RCSD1: variants seen among roughly 807,000 people sequenced by gnomAD.
RCSD1 encodes the protein RCSD domain containing 1.
RCSD1 carries 26 observed loss-of-function variants against 42.5 expected under a neutral mutation model. That is an observed-to-expected ratio of 0.61 (90% confidence interval 0.45 to 0.85). RCSD1 has a LOEUF of 0.85. Ranked by LOEUF, RCSD1 falls within the 40% of genes least tolerant of loss-of-function variation. RCSD1 has a pLI of 0.00. For missense variants in RCSD1, 571 were observed against 528.3 expected (o/e 1.08, Z -0.79); for synonymous variants, 220 against 212.2 (o/e 1.04, Z -0.32).
At chr1:167,635,362 C>G (rs977641052) in intron 1 of RCSD1, among the ~76,000 whole-genome samples, 2 of 152,180 alleles carry the variant, frequency 1.3e-5, no homozygotes, top group African/African-American at 4.8e-5. Context: ...CACACTGGCC[C>G]CCACTCAGCA....
At chr1:167,647,838 T>C (rs759512193) in intron 1 of RCSD1, among the ~76,000 whole-genome samples, 1 of 152,232 alleles carries the variant, frequency 6.6e-6, no homozygotes, top group South Asian at 2.1e-4. Flanking sequence ...CTAGTCACTT[T>C]GTTTTAAAAT....
At chr1:167,681,525 T>A (rs1371488910) in intron 1 of RCSD1, among the ~76,000 whole-genome samples, 1 of 152,206 alleles carries the variant, frequency 6.6e-6, no homozygotes, top group African/African-American at 2.4e-5. Flanking sequence ...CCCTAAGTGC[T>A]TCCAGAAGCC....
intron 1 of RCSD1, among the ~76,000 whole-genome samples, chr1:167,634,272 G>A (rs1023979956): frequency 1.3e-5 from 2 of 152,126 alleles, no homozygotes; most frequent in Middle Eastern, 3.2e-3. Context: ...CTGTCACCCC[G>A]GAAGGCTCCT....
At chr1:167,684,718 T>C (rs1300319199) in intron 2 of RCSD1, among the ~76,000 whole-genome samples, 2 of 151,884 alleles carry the variant, frequency 1.3e-5, no homozygotes, top group Non-Finnish European at 2.9e-5. Flanking sequence ...CCACTAAAAA[T>C]ACAAAATTGG....
chr1:167,666,068 T>A (rs1325614028), intron 1 of RCSD1, among the ~76,000 whole-genome samples: 1 of 152,208 alleles, frequency 6.6e-6, no homozygotes. Context: ...TGCCTCAGCC[T>A]CCCAAAGTGC....
At chr1:167,637,168 G>A (rs1657881545) in intron 1 of RCSD1, among the ~76,000 whole-genome samples, 2 of 152,108 alleles carry the variant, frequency 1.3e-5, no homozygotes, top group Admixed American at 1.3e-4. Context: ...GCAGAAAATT[G>A]GGAAGAGCAT....
chr1:167,685,311 TA>T, intron 2 of RCSD1, 109 bp from the exon 3 acceptor site: 1 of 760,610 alleles, frequency 1.3e-6, no homozygotes, highest in Non-Finnish European at 2.1e-6. Context: ...CTAACATTCC[TA>T]AATCCCTAAA....
At chr1:167,660,044 C>A (rs1323323174) in intron 1 of RCSD1, among the ~76,000 whole-genome samples, 1 of 152,172 alleles carries the variant, frequency 6.6e-6, no homozygotes, top group African/African-American at 2.4e-5. Context: ...TTAAACTCCT[C>A]GTCATATTTA....
At chr1:167,676,469 A>G (rs1305101470) in intron 1 of RCSD1, among the ~76,000 whole-genome samples, 3 of 152,236 alleles carry the variant, frequency 2.0e-5, no homozygotes, top group Admixed American at 6.5e-5. Flanking sequence ...CATATATCAG[A>G]AGCAAGACTG....
chr1:167,685,393 G>A, intron 2 of RCSD1, 28 bp from the exon 3 acceptor site: 2 of 1,587,488 alleles, frequency 1.3e-6, no homozygotes, highest in Non-Finnish European at 1.7e-6. Context: ...CTTTTTCTCT[G>A]TGTGTCTGTC....
intron 1 of RCSD1, 68 bp downstream of exon 1, chr1:167,630,497 C>A: frequency 1.4e-6 from 2 of 1,453,314 alleles, no homozygotes; most frequent in South Asian, 1.4e-5. Context: ...CTTCCCCGGG[C>A]GGCTGCCCCT....
chr1:167,692,565 A>C (rs1659400733), intron 4 of RCSD1, among the ~76,000 whole-genome samples: 1 of 151,100 alleles, frequency 6.6e-6, no homozygotes, highest in South Asian at 2.1e-4. Context: ...GTTGCCCTGG[A>C]TGGACTCAAA....
At position 167,697,377 on chromosome 1, in the gene RCSD1, G is replaced by A; in HGVS notation, c.753G>A (p.Glu251=). The part of the protein sequence containing the change: ...RSPSRTEKQE[E]DRATEEAKNG... ...CCAGCAGGACAGAGAAGCAGGAGGAGGACAGGGCCACAGAGGAAGCCAAGA... is the reference window on the plus strand; with the variant it reads ...CCAGCAGGACAGAGAAGCAGGAGGAAGACAGGGCCACAGAGGAAGCCAAGA... The change falls in exon 6 of 7, where the codon GAG becomes GAA. Residue 251 remains glutamate, a synonymous_variant. Transcript: ENST00000367854. 1.9e-6 allele frequency: 3 copies of A among 1,613,922 alleles called. No individual in the cohort carries two copies. Among genetic ancestry groups the A allele is most frequent in the Middle Eastern group, 1.7e-4 (1 of 6,058 alleles).
At chr1:167,699,746 G>T (rs927010014) in intron 6 of RCSD1, among the ~76,000 whole-genome samples, 2 of 152,190 alleles carry the variant, frequency 1.3e-5, no homozygotes, top group African/African-American at 2.4e-5. Flanking sequence ...ATCCAGCCAT[G>T]CTGAGGTCTT....
At chr1:167,690,193 T>G (rs1357346644) in intron 4 of RCSD1, 73 bp downstream of exon 4, 9 of 1,444,852 alleles carry the variant, frequency 6.2e-6, no homozygotes, top group Admixed American at 3.4e-5. Flanking sequence ...TGCATGACTT[T>G]GAGGCTCATA....
intron 6 of RCSD1, among the ~76,000 whole-genome samples, chr1:167,699,553 C>T (rs1659590732): frequency 6.6e-6 from 1 of 152,196 alleles, no homozygotes; most frequent in African/African-American, 2.4e-5. Context: ...CATAGTCCCC[C>T]TCCTCCCCCT....
chr1:167,697,450 C>G lies in RCSD1; in HGVS notation c.826C>G (p.Pro276Ala). Residue 276 changes from proline (P) to alanine (A), a missense_variant, in exon 6 of 7, where the codon CCG becomes GCG. By Grantham distance (27) the Pro-to-Ala change is conservative. Coordinates refer to ENST00000367854, the MANE Select transcript of RCSD1 (RefSeq NM_052862.4). ...RSSEEVDGQH[P>A]AQEEVPESPQ... is the part of the protein sequence containing the mutation. ...TTCAGAGGAGGTGGACGGCCAGCAC[C>G]CGGCCCAAGAGGAGGTCCCGGAATC... 6.2e-7 allele frequency: 1 copy of G among 1,611,704 alleles called. No individual in the cohort carries two copies. Among genetic ancestry groups the G allele is most frequent in the Non-Finnish European group, 8.5e-7 (1 of 1,179,000 alleles).
At chr1:167,692,549 T>G (rs1333388658) in intron 4 of RCSD1, among the ~76,000 whole-genome samples, 1 of 152,046 alleles carries the variant, frequency 6.6e-6, no homozygotes, top group African/African-American at 2.4e-5. Context: ...GACAAGGTCT[T>G]GCTTTGTTGC....
At chr1:167,674,980 G>A (rs1306038870) in intron 1 of RCSD1, among the ~76,000 whole-genome samples, 1 of 152,108 alleles carries the variant, frequency 6.6e-6, no homozygotes, top group African/African-American at 2.4e-5. Context: ...GCTGAGGTGG[G>A]TGAATCACAA....
Sources: gnomAD v4.1 joint callset for allele counts (sites outside exome capture counted in the v4.1 genomes callset) on GRCh38, gnomAD v4.1.1 for gene constraint, MANE v1.5 for transcripts, NCBI Gene and HGNC (gene_info 2026-07-23, HGNC 2026-07-21) for gene names.